The following PHIP variants were observed in gnomAD, a reference collection of about 807,000 sequenced individuals.
PHIP encodes PH-interacting protein.
In PHIP, 54 loss-of-function variants were observed where a neutral mutation model predicts 236.8. The observed-to-expected ratio is 0.23, with a 90% confidence interval of 0.18 to 0.29. PHIP has a LOEUF of 0.29. PHIP is among the 10% of genes least tolerant of loss of function. The pLI, the probability that PHIP is intolerant of heterozygous loss-of-function variation, is 1.00. For synonymous variants in PHIP, 756 were observed against 718.9 expected (o/e 1.05, Z -0.83); for missense variants, 1,370 against 2,190.8 (o/e 0.63, Z 7.48).
At chr6:79,074,510 G>C (rs898327930) in intron 4 of PHIP, among the ~76,000 whole-genome samples, 1 of 152,004 alleles carries the variant, frequency 6.6e-6, no homozygotes, top group South Asian at 2.1e-4. Flanking sequence ...CTTGGAAAAA[G>C]TGCCCCTTTT....
intron 36 of PHIP, among the ~76,000 whole-genome samples, chr6:78,947,132 A>G (rs1217062130): frequency 6.6e-6 from 1 of 152,216 alleles, no homozygotes; most frequent in East Asian, 1.9e-4. Context: ...CAAATGGCTC[A>G]TACAGACAAA....
intron 32 of PHIP, chr6:78,956,058 A>T (rs1043090092): frequency 5.2e-5 from 8 of 154,216 alleles, no homozygotes; most frequent in African/African-American, 1.4e-4. Context: ...TTGACACTGT[A>T]CCTTTTGCTT....
At chr6:79,008,602 T>C (rs967644722) in intron 15 of PHIP, among the ~76,000 whole-genome samples, 7 of 152,116 alleles carry the variant, frequency 4.6e-5, no homozygotes, top group Non-Finnish European at 1.0e-4. Flanking sequence ...TTGTGACCCC[T>C]TTTCCATTCT....
At chr6:79,009,424 A>G (rs1224948064) in intron 15 of PHIP, among the ~76,000 whole-genome samples, 5 of 151,992 alleles carry the variant, frequency 3.3e-5, no homozygotes, top group Admixed American at 2.6e-4. Flanking sequence ...AACGTCTCCA[A>G]TCGTCCACCC....
intron 4 of PHIP, among the ~76,000 whole-genome samples, chr6:79,074,145 CA>C (rs1774027899): frequency 6.6e-6 from 1 of 151,798 alleles, no homozygotes; most frequent in African/African-American, 2.4e-5. Flanking sequence ...AACAAGCAAA[CA>C]AACAAAAAAG....
At chr6:79,012,113 CA>C (rs1298522994) in intron 15 of PHIP, among the ~76,000 whole-genome samples, 1 of 151,512 alleles carries the variant, frequency 6.6e-6, no homozygotes, top group Non-Finnish European at 1.5e-5. Flanking sequence ...CATAATTACA[CA>C]AAAAATGCAG....
chr6:79,061,978 C>T lies in PHIP; in HGVS notation c.190-1160G>A, dbSNP rs546465855. ...AACTGAAGCCAATAGGAGAAACCTA[C>T]CTTACTCTTTATCAAAATACACTCC... On this transcript the variant is annotated intron_variant, in intron 4 of 39. Transcript: ENST00000275034. 4.6e-5 allele frequency among the ~76,000 whole-genome samples: 7 copies of T among 152,204 alleles called. No individual in the cohort carries two copies. In the South Asian group the frequency reaches 1.2e-3, roughly 27 times the overall value.
intron 7 of PHIP, among the ~76,000 whole-genome samples, chr6:79,032,905 A>G (rs1267655042): frequency 6.6e-6 from 1 of 152,124 alleles, no homozygotes; most frequent in Non-Finnish European, 1.5e-5. Context: ...TTTCTTAAAT[A>G]AGACTTGAAA....
chr6:79,038,809 C>G (rs1043199558), intron 7 of PHIP, among the ~76,000 whole-genome samples: 2 of 152,188 alleles, frequency 1.3e-5, no homozygotes, highest in Non-Finnish European at 2.9e-5. Context: ...TTCTACTTGA[C>G]TTTCCACATA....
intron 15 of PHIP, among the ~76,000 whole-genome samples, chr6:79,004,874 A>T (rs1187150808): frequency 6.6e-6 from 1 of 152,108 alleles, no homozygotes; most frequent in African/African-American, 2.4e-5. Context: ...AGAAGTTAAA[A>T]TTCAGAAGAA....
At chr6:79,054,637 A>C (rs935214362) in intron 6 of PHIP, among the ~76,000 whole-genome samples, 2 of 151,274 alleles carry the variant, frequency 1.3e-5, no homozygotes, top group African/African-American at 4.8e-5. Flanking sequence ...CTTATATATT[A>C]AAATTATGTA....
chr6:79,038,443 A>G (rs775528906), intron 7 of PHIP, among the ~76,000 whole-genome samples: 17 of 152,214 alleles, frequency 1.1e-4, no homozygotes, highest in Admixed American at 4.6e-4. Context: ...GGGATTAATT[A>G]GGTTTCAACA....
chr6:78,996,567 A>G (rs942077615), intron 19 of PHIP, among the ~76,000 whole-genome samples: 1 of 152,236 alleles, frequency 6.6e-6, no homozygotes, highest in African/African-American at 2.4e-5. Context: ...ATGTGAGTTA[A>G]TTAATTTATG....
chr6:78,960,905 A>G (rs1364791751), intron 31 of PHIP, among the ~76,000 whole-genome samples: 1 of 152,194 alleles, frequency 6.6e-6, no homozygotes, highest in Non-Finnish European at 1.5e-5. Context: ...TGTTAAAAAG[A>G]AGAATAACGG....
chr6:78,994,682 G>A (rs1321710949), intron 19 of PHIP, among the ~76,000 whole-genome samples: 1 of 152,208 alleles, frequency 6.6e-6, no homozygotes, highest in African/African-American at 2.4e-5. Flanking sequence ...TATTTCATGA[G>A]AGGAGTCAAA....
At chr6:79,062,472 CA>C (rs1773425548) in intron 4 of PHIP, among the ~76,000 whole-genome samples, 1 of 152,060 alleles carries the variant, frequency 6.6e-6, no homozygotes, top group African/African-American at 2.4e-5. Flanking sequence ...TCTAAGCTTG[CA>C]AATGATTATT....
intron 7 of PHIP, among the ~76,000 whole-genome samples, chr6:79,040,405 T>C (rs924362089): frequency 7.2e-5 from 11 of 152,118 alleles, no homozygotes; most frequent in Admixed American, 6.6e-5. Flanking sequence ...CAAATATATA[T>C]ACACAAATAT....
chr6:78,946,183 C>A lies in PHIP; in HGVS notation c.4448G>T (p.Arg1483Leu), dbSNP rs754345536. 40 of 1,613,604 alleles carry A rather than the reference C, an allele frequency of 2.5e-5. No individual in the cohort carries two copies. In the South Asian group the frequency reaches 4.1e-4, roughly 16 times the overall value. ...AGCATTGTGTCTTGGCGGTATTGAT[C>A]GTGTAGGTGTAGAGAATGCAGAGGT... ...SSTSAFSTPT[R>L]SIPPRHNAAQ... Residue 1483 changes from arginine (R) to leucine (L), a missense_variant, in exon 38 of 40, where the codon CGA (arginine) becomes CTA (leucine). Arg to Leu is a moderately radical substitution (Grantham distance 102). This residue lies in a region of PHIP where 309 missense variants were observed against 328.3 expected (regional missense o/e 0.94). Coordinates refer to ENST00000275034, the MANE Select transcript of PHIP (RefSeq NM_017934.7).
chr6:78,975,517 TG>T (rs1342006746), intron 24 of PHIP, among the ~76,000 whole-genome samples: 1 of 152,210 alleles, frequency 6.6e-6, no homozygotes, highest in East Asian at 1.9e-4. Context: ...ATGGAAGTTC[TG>T]GCCAGGGCAA....
Sources: gnomAD v4.1 joint callset for allele counts (sites outside exome capture counted in the v4.1 genomes callset) on GRCh38, gnomAD v4.1.1 for gene constraint, gnomAD v4.1.1 regional missense constraint, MANE v1.5 for transcripts, NCBI Gene and HGNC (gene_info 2026-07-23, HGNC 2026-07-21) for gene names.